The following DIAPH2 variants were observed in gnomAD, a reference collection of about 807,000 sequenced individuals.
The protein encoded by DIAPH2 is protein diaphanous homolog 2.
DIAPH2 carries 35 observed loss-of-function variants against 92.7 expected under a neutral mutation model. The ratio of observed to expected loss-of-function variants is 0.38; its 90% CI spans 0.29 to 0.50. DIAPH2 has a LOEUF of 0.50. Ranked by LOEUF, DIAPH2 falls within the 20% of genes least tolerant of loss-of-function variation. DIAPH2 has a pLI of 0.94. For missense variants in DIAPH2, 701 were observed against 819.5 expected (o/e 0.86, Z 1.77); for synonymous variants, 301 against 280.4 (o/e 1.07, Z -0.73).
intron 20 of DIAPH2, among the ~76,000 whole-genome samples, chrX:97,102,037 T>C (rs184386821): frequency 8.9e-5 from 10 of 112,360 alleles, no homozygotes; most frequent in Non-Finnish European, 1.7e-4. Flanking sequence ...AGTGTATTTA[T>C]CACATGATTT....
Position 96,916,417 on chromosome X carries a change from GTTTTTTTTT to G in DIAPH2, c.733-11_733-3del. ...TATTCCATAGACATTCTGAATGAAG[GTTTTTTTTT>G]TTTTTTTTTAGTTTGGATTACAAAG... On this transcript the variant is annotated splice_polypyrimidine_tract_variant and intron_variant, in intron 7 of 26. Coordinates refer to ENST00000324765, the MANE Select transcript of DIAPH2 (RefSeq NM_006729.5). The G allele has an allele frequency of 1.1e-6, 1 of 886,929 alleles. No homozygotes were observed. The highest frequency in any genetic ancestry group is 3.9e-5 in the East Asian group (1 of 25,960). 73.1% of individuals were successfully genotyped at this position (886,929 alleles called of 1,213,427 possible).
intron 25 of DIAPH2, among the ~76,000 whole-genome samples, chrX:97,410,605 A>G (rs2069859914): frequency 8.9e-6 from 1 of 112,092 alleles, no homozygotes; most frequent in South Asian, 3.7e-4. Flanking sequence ...CAGTAATAAC[A>G]AACTTCTCCG....
chrX:97,289,957 C>G (rs1164022352), intron 23 of DIAPH2, among the ~76,000 whole-genome samples: 4 of 109,777 alleles, frequency 3.6e-5, no homozygotes, highest in Non-Finnish European at 5.7e-5. Context: ...AGTGAGCTGT[C>G]TGCCTTGGCC....
At chrX:97,544,596 A>G (rs192501526) in intron 26 of DIAPH2, among the ~76,000 whole-genome samples, 7 of 111,988 alleles carry the variant, frequency 6.3e-5, no homozygotes, top group African/African-American at 2.3e-4. Context: ...AAGCCTATAC[A>G]GAAGTAACTT....
intron 1 of DIAPH2, among the ~76,000 whole-genome samples, chrX:96,713,955 A>G (rs2063934308): frequency 8.9e-6 from 1 of 112,025 alleles, no homozygotes; most frequent in Non-Finnish European, 1.9e-5. Context: ...ATCCAAGTGC[A>G]GGTTTTTATG....
At chrX:97,221,098 CT>C (rs2067920947) in intron 22 of DIAPH2, among the ~76,000 whole-genome samples, 1 of 92,247 alleles carries the variant, frequency 1.1e-5, no homozygotes, top group African/African-American at 3.9e-5. Context: ...CCTGTCTCAT[CT>C]TTAGATGAAT....
intron 22 of DIAPH2, among the ~76,000 whole-genome samples, chrX:97,142,940 T>C (rs1007878795): frequency 8.9e-6 from 1 of 111,787 alleles, no homozygotes; most frequent in Non-Finnish European, 1.9e-5. Flanking sequence ...TTGAATAACA[T>C]TGTGCAGTGG....
chrX:97,305,237 A>G lies in DIAPH2; in HGVS notation c.2845-42879A>G, dbSNP rs766594081. Among the ~76,000 whole-genome samples the G allele has an allele frequency of 2.3e-4, 26 of 111,994 alleles. No homozygotes were observed. The South Asian group carries it at 8.7e-3, about 38-fold the overall frequency. ...GTTGGGCGCGGTGGCTCATGCCTGT[A>G]ATCCCATCACTCTGGGAGGCCGAGG... On this transcript the variant is annotated intron_variant, in intron 23 of 26. Coordinates refer to ENST00000324765, the MANE Select transcript of DIAPH2 (RefSeq NM_006729.5).
In DIAPH2 at chrX:97,543,543, AC is replaced by A. The variant is rs1352082972; in HGVS notation, c.3242-55707del. Among the ~76,000 whole-genome samples, 4 of 109,535 alleles carry A rather than the reference AC, an allele frequency of 3.7e-5. No homozygotes were observed. In the Admixed American group the frequency reaches 3.9e-4, roughly 11 times the overall value. On this transcript the variant is annotated intron_variant, in intron 26 of 26. Transcript: ENST00000324765. ...TTTGAGACAGAGTCTCACTCTGTCG[AC>A]CCTGGGCTGGAGTGCAGTGATGCGA...
intron 4 of DIAPH2, among the ~76,000 whole-genome samples, chrX:96,819,701 A>C (rs1256580447): frequency 1.8e-5 from 2 of 112,627 alleles, no homozygotes; most frequent in Admixed American, 1.9e-4. Context: ...GTGTTTCTCC[A>C]TAAGGCTTTA....
intron 26 of DIAPH2, among the ~76,000 whole-genome samples, chrX:97,527,673 TTAAAC>T (rs1242712328): frequency 1.8e-5 from 2 of 112,387 alleles, no homozygotes; most frequent in East Asian, 5.5e-4. Context: ...ATACTACTAA[TTAAAC>T]AAAAGCAATA....
chrX:96,926,437 G>A (rs2065582339), intron 9 of DIAPH2, among the ~76,000 whole-genome samples: 1 of 111,056 alleles, frequency 9.0e-6, no homozygotes, highest in Non-Finnish European at 1.9e-5. Flanking sequence ...ATAAACCCTA[G>A]GCATATACAG....
At chrX:97,555,265 T>G (rs983195675) in intron 26 of DIAPH2, among the ~76,000 whole-genome samples, 1 of 112,452 alleles carries the variant, frequency 8.9e-6, no homozygotes, top group African/African-American at 3.2e-5. Flanking sequence ...CAATGAGTTC[T>G]ATTGCTTCAT....
chrX:97,570,441 A>G (rs747204901), intron 26 of DIAPH2, among the ~76,000 whole-genome samples: 1 of 108,569 alleles, frequency 9.2e-6, no homozygotes, highest in East Asian at 2.9e-4. Flanking sequence ...CTTCAGGTTT[A>G]TGATGAATTG....
intron 23 of DIAPH2, 141 bp downstream of exon 23, chrX:97,247,980 T>G: frequency 1.9e-6 from 1 of 539,383 alleles, no homozygotes; most frequent in Non-Finnish European, 2.8e-6. Context: ...TTTCTATTAG[T>G]AGCATAAATT....
At chrX:96,905,661 G>C (rs1474236391) in intron 5 of DIAPH2, among the ~76,000 whole-genome samples, 1 of 111,101 alleles carries the variant, frequency 9.0e-6, no homozygotes, top group Non-Finnish European at 1.9e-5. Context: ...CTTGAGATAG[G>C]TTTCTGTTTT....
intron 22 of DIAPH2, among the ~76,000 whole-genome samples, chrX:97,236,188 A>G (rs1291328061): frequency 9.0e-6 from 1 of 111,548 alleles, no homozygotes; most frequent in Non-Finnish European, 1.9e-5. Context: ...TATATGTTAC[A>G]TACCTGTGGA....
intron 25 of DIAPH2, among the ~76,000 whole-genome samples, chrX:97,396,966 A>G (rs1162531143): frequency 8.9e-6 from 1 of 112,153 alleles, no homozygotes; most frequent in Admixed American, 9.4e-5. Context: ...TTCACATATC[A>G]TATATAATCT....
chrX:96,750,887 G>T (rs1263135774), intron 3 of DIAPH2, among the ~76,000 whole-genome samples: 1 of 112,451 alleles, frequency 8.9e-6, no homozygotes, highest in African/African-American at 3.2e-5. Flanking sequence ...GTTTTGCATG[G>T]ATTGTTTCAG....
Sources: gnomAD v4.1 joint callset for allele counts (sites outside exome capture counted in the v4.1 genomes callset) on GRCh38, gnomAD v4.1.1 for gene constraint, MANE v1.5 for transcripts, NCBI Gene and HGNC (gene_info 2026-07-23, HGNC 2026-07-21) for gene names.